Variants in VASN observed in about 807,000 individuals in gnomAD.
VASN encodes the protein vasorin, also known as protein slit-like 2.
In VASN, 5 loss-of-function variants were observed where a neutral mutation model predicts 4.8. That is an observed-to-expected ratio of 1.03 (90% confidence interval 0.54 to 2.17). The LOEUF (loss-of-function observed/expected upper bound fraction) is 2.17. Among genes scored for constraint, VASN ranks in the 30% most tolerant of loss-of-function variants. The pLI is 0.01. For missense variants in VASN, 927 were observed against 948.8 expected, an observed-to-expected ratio of 0.98 and a Z score of 0.30; for synonymous variants, 499 against 460.8, an observed-to-expected ratio of 1.08 and a Z score of -1.06.
In VASN at chr16:4,382,641, C is replaced by A; in HGVS notation, c.1764C>A (p.Ala588=). Residue 588 remains alanine, a synonymous_variant, in exon 2 of 2, where the codon GCC becomes GCA. Coordinates refer to ENST00000304735, the MANE Select transcript of VASN (RefSeq NM_138440.3). The part of the protein sequence containing the change: ...IAPALAAVLL[A]ALAAVGAAYC... ...CCGCCCTGGCCGCGGTGCTCCTGGC[C>A]GCGCTGGCTGCGGTGGGGGCAGCCT... 6.4e-7 allele frequency: 1 copy of A among 1,559,320 alleles called. No individual in the cohort carries two copies. The highest frequency in any genetic ancestry group is 8.7e-7 in the Non-Finnish European group (1 of 1,153,950).
rs1171453924 is a variant in VASN, at chr16:4,382,115, C to T, written c.1238C>T (p.Thr413Ile). Residue 413 changes from threonine to isoleucine, a missense_variant, in exon 2 of 2, where the codon ACC becomes ATC. Physicochemically the swap from Thr to Ile is moderately conservative, Grantham distance 89. Coordinates refer to ENST00000304735, the MANE Select transcript of VASN (RefSeq NM_138440.3). ...CAGCCCCAGGACTGCCCACCGTCCA[C>T]CTGCCTCAATGGGGGCACATGCCAC... ...VPQPQDCPPS[T>I]CLNGGTCHLG... 8.2e-6 allele frequency: 13 copies of T among 1,587,432 alleles called. No homozygotes were observed. Among genetic ancestry groups the T allele is most frequent in the Admixed American group, 1.7e-5 (1 of 57,542 alleles).
Position 4,373,613 on chromosome 16 carries a change from G to A in VASN, c.-10+1620G>A, listed in dbSNP as rs78310892. Among the ~76,000 whole-genome samples the A allele has an allele frequency of 7.4e-4, 113 of 152,292 alleles. No individual in the cohort carries two copies. The East Asian group carries it at 0.012, about 17-fold the overall frequency. The stretch of plus-strand genomic sequence containing the variant: ...AGGGAGATGGCAAGGGAGATGCCCC[G>A]GGCAGGAGATGGGTCCGCGGCTCCT... On this transcript the variant is annotated intron_variant, in intron 1 of 1. Coordinates refer to ENST00000304735, the MANE Select transcript of VASN (RefSeq NM_138440.3).
chr16:4,383,022 G>C lies in VASN; in HGVS notation c.*123G>C. On this transcript the variant is annotated 3_prime_UTR_variant, in exon 2 of 2. Coordinates refer to ENST00000304735, the MANE Select transcript of VASN (RefSeq NM_138440.3). The stretch of plus-strand genomic sequence containing the variant: ...CGGGGATGTGTGCAGACAGGGCTGT[G>C]TGACCACAGCTGGGCCCTGTTCCCT... 1 of 1,108,040 alleles carries C rather than the reference G, an allele frequency of 9.0e-7. No individual in the cohort carries two copies. Among genetic ancestry groups the C allele is most frequent in the Non-Finnish European group, 1.3e-6 (1 of 798,568 alleles). The allele number at this position is 1,108,040 out of a possible 1,614,324, so 68.6% of individuals were successfully genotyped here. A position where few individuals can be genotyped will look rare whatever the true frequency, so the allele number is the denominator to read the frequency against.
chr16:4,377,224 C>CG (rs2054766969), intron 1 of VASN, among the ~76,000 whole-genome samples: 2 of 152,122 alleles, frequency 1.3e-5, no homozygotes, highest in South Asian at 4.1e-4. Flanking sequence ...CACCCCCCGA[C>CG]GTCCCCGAAT....
chr16:4,376,657 G>A (rs1252801832), intron 1 of VASN, among the ~76,000 whole-genome samples: 2 of 152,184 alleles, frequency 1.3e-5, no homozygotes, highest in Non-Finnish European at 2.9e-5. Flanking sequence ...GGCGTGTGTG[G>A]TGTACCCCAG....
intron 1 of VASN, among the ~76,000 whole-genome samples, chr16:4,377,218 C>T (rs957639951): frequency 1.3e-5 from 2 of 152,160 alleles, no homozygotes; most frequent in African/African-American, 4.8e-5. Context: ...TCTTCCCACC[C>T]CCCGACGTCC....
chr16:4,381,889 C>T lies in VASN; in HGVS notation c.1012C>T (p.Leu338=). The T allele has an allele frequency of 6.2e-7, 1 of 1,605,382 alleles. No homozygotes were observed. Among genetic ancestry groups the T allele is most frequent in the Non-Finnish European group, 8.5e-7 (1 of 1,179,482 alleles). ...CHFPPKNAGR[L]LLELDYADFG... ...CTTCCCGCCCAAGAACGCTGGCCGG[C>T]TGCTCCTGGAGCTTGACTACGCCGA... Residue 338 remains leucine, a synonymous_variant, in exon 2 of 2, where the codon CTG becomes TTG. Coordinates refer to ENST00000304735, the MANE Select transcript of VASN (RefSeq NM_138440.3).
intron 1 of VASN, among the ~76,000 whole-genome samples, chr16:4,372,795 C>A (rs528615283): frequency 3.5e-4 from 53 of 152,204 alleles, no homozygotes; most frequent in Non-Finnish European, 4.3e-4. Context: ...GGGTCACTGA[C>A]CGCCTCCCCT....
At chr16:4,372,021 CG>C (rs1172622135) in intron 1 of VASN, 28 bp downstream of exon 1, 1 of 151,986 alleles carries the variant, frequency 6.6e-6, no homozygotes, top group Non-Finnish European at 1.5e-5. Context: ...TGGGGGGCTG[CG>C]GGCGGGGAAG....
rs1458711788 is a variant in VASN, at chr16:4,374,927, TGCTTGCCCCTGG to T, written c.-10+2936_-10+2947del. Among the ~76,000 whole-genome samples the T allele has an allele frequency of 9.9e-5, 15 of 151,054 alleles. No individual in the cohort carries two copies. The East Asian group carries it at 2.9e-3, about 29-fold the overall frequency. ...GCAGGTTAGGGCCTTACTAGATGGG[TGCTTGCCCCTGG>T]GTGGGGACAGGGCAGTGAGGAGGCC... On this transcript the variant is annotated intron_variant, in intron 1 of 1. Coordinates refer to ENST00000304735, the MANE Select transcript of VASN (RefSeq NM_138440.3).
intron 1 of VASN, among the ~76,000 whole-genome samples, 163 bp downstream of exon 1, chr16:4,372,156 G>C (rs2054557561): frequency 6.6e-6 from 1 of 151,890 alleles, no homozygotes; most frequent in African/African-American, 2.4e-5. Flanking sequence ...GGCAGGCCCT[G>C]TACGCTCCCT....
At chr16:4,373,472 C>T (rs998073455) in intron 1 of VASN, among the ~76,000 whole-genome samples, 2 of 152,120 alleles carry the variant, frequency 1.3e-5, no homozygotes, top group Non-Finnish European at 1.5e-5. Flanking sequence ...CAGATGGCAC[C>T]TCTCTCTCCA....
At chr16:4,372,220 G>C (rs1311935577) in intron 1 of VASN, among the ~76,000 whole-genome samples, 1 of 152,168 alleles carries the variant, frequency 6.6e-6, no homozygotes, top group Non-Finnish European at 1.5e-5. Flanking sequence ...GTGCGCGCCT[G>C]AGTGTGCGGT....
Position 4,382,008 on chromosome 16 carries a change from T to C in VASN, c.1131T>C (p.Pro377=). ...EPTALSSSLA[P]TWLSPTEPAT... ...CAGCCTTGTCTTCTAGCTTGGCTCC[T>C]ACCTGGCTTAGCCCCACAGAGCCGG... Residue 377 remains proline, a synonymous_variant, in exon 2 of 2, where the codon CCT becomes CCC. Coordinates refer to ENST00000304735, the MANE Select transcript of VASN (RefSeq NM_138440.3). 1 of 1,605,484 alleles carries C rather than the reference T, an allele frequency of 6.2e-7. No individual in the cohort carries two copies. The highest frequency in any genetic ancestry group is 8.5e-7 in the Non-Finnish European group (1 of 1,177,534).
In VASN at chr16:4,381,839, C is replaced by T; in HGVS notation, c.962C>T (p.Ala321Val). ...GTGCGCGAGAGCCACGTCACACTGG[C>T]CAGCCCTGAGGAGACGCGCTGCCAC... ...PWVRESHVTL[A>V]SPEETRCHFP... is the part of the protein sequence containing the mutation. Residue 321 changes from alanine to valine, a missense_variant, in exon 2 of 2, where the codon GCC (alanine) becomes GTC (valine). Coordinates refer to ENST00000304735, the MANE Select transcript of VASN (RefSeq NM_138440.3). 6.2e-7 allele frequency: 1 copy of T among 1,601,686 alleles called. No individual in the cohort carries two copies. The highest frequency in any genetic ancestry group is 1.1e-5 in the South Asian group (1 of 91,050).
Position 4,382,753 on chromosome 16 carries a change from G to A in VASN, c.1876G>A (p.Gly626Arg), listed in dbSNP as rs2055042995. The stretch of plus-strand genomic sequence containing the variant: ...AGGGGCTGGGCCCCTGGAACTGGAG[G>A]GAGTGAAGGTCCCCTTGGAGCCAGG... ...GPGAGPLELEGVKVPLEPGPK... is the reference protein window; with the variant it reads ...GPGAGPLELERVKVPLEPGPK... The change falls in exon 2 of 2, where the codon GGA becomes AGA. Residue 626 changes from glycine to arginine, a missense_variant. Transcript: ENST00000304735. 2.6e-6 allele frequency: 4 copies of A among 1,560,186 alleles called. No individual in the cohort carries two copies. The highest frequency in any genetic ancestry group is 1.4e-5 in the African/African-American group (1 of 73,578).
intron 1 of VASN, among the ~76,000 whole-genome samples, chr16:4,379,422 C>A (rs898056315): frequency 6.6e-6 from 1 of 152,048 alleles, no homozygotes; most frequent in Non-Finnish European, 1.5e-5. Flanking sequence ...CAGCTAAGAT[C>A]TGGAGCCTGG....
intron 1 of VASN, among the ~76,000 whole-genome samples, chr16:4,372,786 G>A (rs1197195198): frequency 1.3e-5 from 2 of 152,172 alleles, no homozygotes; most frequent in Non-Finnish European, 2.9e-5. Context: ...GCCACACCAG[G>A]GTCACTGACC....
At chr16:4,375,075 C>G (rs1035451732) in intron 1 of VASN, among the ~76,000 whole-genome samples, 2 of 152,124 alleles carry the variant, frequency 1.3e-5, no homozygotes, top group African/African-American at 4.8e-5. Flanking sequence ...CCCAGGGCCA[C>G]AGGTGTCCTC....
Sources: gnomAD v4.1 joint callset for allele counts (sites outside exome capture counted in the v4.1 genomes callset) on GRCh38, gnomAD v4.1.1 for gene constraint, MANE v1.5 for transcripts, NCBI Gene and HGNC (gene_info 2026-07-23, HGNC 2026-07-21) for gene names.